Variants in TH observed in about 807,000 individuals in gnomAD.
TH encodes the protein tyrosine 3-monooxygenase.
In TH, 49 loss-of-function variants were observed where a neutral mutation model predicts 57.4. That is an observed-to-expected ratio of 0.85 (90% CI 0.68 to 1.08). The LOEUF is 1.08. Ranked by LOEUF, TH falls within the 50% of genes least tolerant of loss-of-function variation. TH has a pLI of 0.00. For synonymous variants in TH, 330 were observed against 304.5 expected (o/e 1.08, Z -0.87); for missense variants, 720 against 696.7 (o/e 1.03, Z -0.38).
chr11:2,165,290 T>C lies in TH; in HGVS notation c.1276A>G (p.Thr426Ala). The C allele has an allele frequency of 6.2e-7, 1 of 1,612,806 alleles. No homozygotes were observed. The highest frequency in any genetic ancestry group is 8.5e-7 in the Non-Finnish European group (1 of 1,179,976). The change falls in exon 12 of 13, where the codon ACG (threonine) becomes GCG (alanine). Residue 426 changes from threonine (T) to alanine (A), a missense_variant. Coordinates refer to ENST00000352909, the MANE Select transcript of TH (RefSeq NM_000360.4). ...GACACGAAGTAGACTGACTGGTACG[T>C]CTGGTCTTGGTAGGGCTGCACGGCC... ...AAAVQPYQDQ[T>A]YQSVYFVSES...
rs906149815 is a variant in TH at position 2,165,513 on chromosome 11, G to A, written c.1201-148C>T. On this transcript the variant is annotated intron_variant, in intron 11 of 12. Transcript: ENST00000352909. ...CCTTCGGAGGCCTGGGATAATGTGGGGTGAGGACTGGGCAGAGACAAGCCT... is the reference window on the plus strand; with the variant it reads ...CCTTCGGAGGCCTGGGATAATGTGGAGTGAGGACTGGGCAGAGACAAGCCT... 3 of 1,378,362 alleles carry A rather than the reference G, an allele frequency of 2.2e-6. No homozygotes were observed. The Admixed American group carries it at 5.5e-5, about 25-fold the overall frequency. The allele number at this position is 1,378,362 out of a possible 1,614,324, so 85.4% of individuals were successfully genotyped here.
chr11:2,168,156 A>G lies in TH; in HGVS notation c.511T>C (p.Ser171Pro). ...AGGTGATGACACTTGTCCAGCTCTG[A>G]CACTTTTCTTGGGAACCAGGGGACT... ...PKVPWFPRKVSELDKCHHLVT... is the reference protein window; with the variant it reads ...PKVPWFPRKVPELDKCHHLVT... The change falls in exon 4 of 13, where the codon TCA becomes CCA. Residue 171 changes from serine (S) to proline (P), a missense_variant. Coordinates refer to ENST00000352909, the MANE Select transcript of TH (RefSeq NM_000360.4). 1 of 1,613,552 alleles carries G rather than the reference A, an allele frequency of 6.2e-7. No individual in the cohort carries two copies. The highest frequency in any genetic ancestry group is 1.7e-5 in the Admixed American group (1 of 60,018).
intron 5 of TH, 93 bp from the exon 6 acceptor site, chr11:2,167,578 G>T: frequency 7.1e-7 from 1 of 1,415,422 alleles, no homozygotes; most frequent in Non-Finnish European, 9.6e-7. Flanking sequence ...GTCCACACCC[G>T]CCTAGTGCAG....
intron 9 of TH, 175 bp downstream of exon 9, chr11:2,166,304 TG>T: frequency 1.0e-6 from 1 of 976,726 alleles, no homozygotes; most frequent in Non-Finnish European, 1.5e-6. Flanking sequence ...GCACAGGCCG[TG>T]GGAGGCTCCG....
intron 9 of TH, 113 bp downstream of exon 9, chr11:2,166,341 ACCCTCGGGGCGCCGAGCCTCCTTGGC>A (rs2133691850): frequency 1.7e-6 from 2 of 1,201,152 alleles, no homozygotes; most frequent in East Asian, 5.2e-5. Flanking sequence ...ATGCCGCGCG[ACCCTCGGGGCGCCGAGCCTCCTTGGC>A]GGGGCCCGGG....
At chr11:2,167,183 T>C in intron 6 of TH, 151 bp from the exon 7 acceptor site, 1 of 1,232,326 alleles carries the variant, frequency 8.1e-7, no homozygotes, top group Admixed American at 2.4e-5. Context: ...GAGGGGCTTT[T>C]GCTGGTGGCT....
In TH at chr11:2,170,743, A is replaced by G; in HGVS notation, c.91-872T>C. 1.9e-6 allele frequency: 3 copies of G among 1,571,974 alleles called. No individual in the cohort carries two copies. Among genetic ancestry groups the G allele is most frequent in the African/African-American group, 1.4e-5 (1 of 71,526 alleles). On this transcript the variant is annotated intron_variant, in intron 1 of 12. Transcript: ENST00000352909. This position sits in a 1 kb window ranked among gnomAD's most constrained non-coding sequence, Gnocchi z 6.0. ...GGGGCTGCAGTTCCAGGCCACGGAG[A>G]GCCTGTGAGGCTGGGCCCCGGGGCG... is the stretch of plus-strand genomic sequence containing the variant.
intron 1 of TH, 59 bp from the exon 2 acceptor site, chr11:2,169,930 C>T (rs1158387586): frequency 1.3e-5 from 19 of 1,517,854 alleles, no homozygotes; most frequent in Non-Finnish European, 1.7e-5. Flanking sequence ...GGACCTCCAC[C>T]CACAGCTGGT....
chr11:2,165,239 T>A lies in TH; in HGVS notation c.1327A>T (p.Lys443Ter), dbSNP rs1416459085. Reference sequence around the variant, plus strand: ...CCTAGCAGCCTAGCCCACCTGAGCTTGTCCTTGGCGTCACTGAAGCTCTCA... The same window carrying A: ...CCTAGCAGCCTAGCCCACCTGAGCTAGTCCTTGGCGTCACTGAAGCTCTCA... Reference protein sequence around the residue: ...VSESFSDAKDKLRSYASRIQR... With the variant: ...VSESFSDAKD The change falls in exon 12 of 13, where the codon AAG becomes TAG. Residue 443 changes from lysine to a stop codon, truncating the protein, a stop_gained. Coordinates refer to ENST00000352909, the MANE Select transcript of TH (RefSeq NM_000360.4). LOFTEE classifies it low-confidence loss of function (END_TRUNC). 1.2e-6 allele frequency: 2 copies of A among 1,612,850 alleles called. No individual in the cohort carries two copies. Among genetic ancestry groups the A allele is most frequent in the Non-Finnish European group, 1.7e-6 (2 of 1,179,970 alleles).
In TH at chr11:2,164,385, C is replaced by T. The variant is rs1277311743; in HGVS notation, c.1342G>A (p.Ala448Thr). ...SDAKDKLRSY[A>T]SRIQRPFSVK... is the part of the protein sequence containing the mutation. Reference sequence around the variant, plus strand: ...GAGAAGGGGCGCTGGATGCGTGAGGCATAGCTCCTGGGGAGGAGAGCGGCA... The same window carrying T: ...GAGAAGGGGCGCTGGATGCGTGAGGTATAGCTCCTGGGGAGGAGAGCGGCA... Residue 448 changes from alanine to threonine, a missense_variant, in exon 13 of 13, where the codon GCC (alanine) becomes ACC (threonine). By Grantham distance (58) the Ala-to-Thr change is moderately conservative (BLOSUM62 0). Coordinates refer to ENST00000352909, the MANE Select transcript of TH (RefSeq NM_000360.4). 2 of 1,549,408 alleles carry T rather than the reference C, an allele frequency of 1.3e-6. No individual in the cohort carries two copies. Among genetic ancestry groups the T allele is most frequent in the Admixed American group, 1.9e-5 (1 of 52,012 alleles).
Position 2,170,552 on chromosome 11 carries a change from G to T in TH, c.91-681C>A, listed in dbSNP as rs1177238491. On this transcript the variant is annotated intron_variant, in intron 1 of 12. Transcript: ENST00000352909. This position sits in a 1 kb window ranked among gnomAD's most constrained non-coding sequence, Gnocchi z 6.0. ...GAGGGGGACTTGGCAGACACCTGGG[G>T]CTCATCCCTTGGAGCTGAACTCCCA... 4.9e-6 allele frequency: 4 copies of T among 821,640 alleles called. No homozygotes were observed. The African/African-American group carries it at 6.8e-5, about 14-fold the overall frequency. 50.9% of individuals were successfully genotyped at this position (821,640 alleles called of 1,614,324 possible).
intron 11 of TH, 45 bp from the exon 12 acceptor site, chr11:2,165,410 C>A: frequency 6.2e-7 from 1 of 1,603,304 alleles, no homozygotes; most frequent in Non-Finnish European, 8.5e-7. Context: ...GCACCCAGGT[C>A]CCCGAGGGAA....
chr11:2,170,819 G>A lies in TH; in HGVS notation c.90+878C>T, dbSNP rs1416242675. 4.8e-6 allele frequency: 3 copies of A among 619,998 alleles called. No homozygotes were observed. The African/African-American group carries it at 5.6e-5, about 12-fold the overall frequency. 38.4% of individuals were successfully genotyped at this position (619,998 alleles called of 1,614,324 possible). A position where few individuals can be genotyped will look rare whatever the true frequency, so the allele number is the denominator to read the frequency against. On this transcript the variant is annotated intron_variant, in intron 1 of 12. Coordinates refer to ENST00000352909, the MANE Select transcript of TH (RefSeq NM_000360.4). The surrounding 1 kb of genome is among the most constrained non-coding windows in gnomAD (Gnocchi z 6.0). ...GAGCCTGGTGGGGGAGGGTAGGGGAGGGCGGGGGAGGACGGGGGAGGGCGC... is the reference window on the plus strand; with the variant it reads ...GAGCCTGGTGGGGGAGGGTAGGGGAAGGCGGGGGAGGACGGGGGAGGGCGC...
intron 12 of TH, 139 bp from the exon 13 acceptor site, chr11:2,164,531 G>A (rs1164423982): frequency 4.0e-6 from 4 of 992,080 alleles, no homozygotes; most frequent in Non-Finnish European, 2.8e-6. Flanking sequence ...ACTGGTCACA[G>A]GCGGGACACT....
rs1215694578 is a variant in TH at position 2,170,034 on chromosome 11, C to T, written c.91-163G>A. The stretch of plus-strand genomic sequence containing the variant: ...TGTGCCTGCTGGGGCAGATGCTAGC[C>T]GAGGTGCCTGCGGGCATTGCACGCC... On this transcript the variant is annotated intron_variant, in intron 1 of 12. Coordinates refer to ENST00000352909, the MANE Select transcript of TH (RefSeq NM_000360.4). This position sits in a 1 kb window ranked among gnomAD's most constrained non-coding sequence, Gnocchi z 6.0. Among the ~76,000 whole-genome samples the T allele has an allele frequency of 3.3e-5, 5 of 152,198 alleles. No homozygotes were observed. The highest frequency in any genetic ancestry group is 2.1e-4 in the South Asian group (1 of 4,828).
Position 2,168,647 on chromosome 11 carries a change from G to A in TH, c.331C>T (p.His111Tyr), listed in dbSNP as rs911394543. ...KVFETFEAKIHHLETRPAQRP... is the reference protein window; with the variant it reads ...KVFETFEAKIYHLETRPAQRP... ...TGGGCGGGCCGGGTCTCTAGATGGT[G>A]GATTTTGGCTTCAAACGTCTTAGGG... Residue 111 changes from histidine to tyrosine, a missense_variant, in exon 3 of 13, where the codon CAC becomes TAC. Coordinates refer to ENST00000352909, the MANE Select transcript of TH (RefSeq NM_000360.4). The A allele has an allele frequency of 9.5e-5, 144 of 1,513,770 alleles. No homozygotes were observed. The highest frequency in any genetic ancestry group is 1.2e-4 in the Non-Finnish European group (138 of 1,116,936). The allele number at this position is 1,513,770 out of a possible 1,614,324, so 93.8% of individuals were successfully genotyped here.
At chr11:2,168,909 G>T (rs905862807) in intron 2 of TH, among the ~76,000 whole-genome samples, 1 of 152,202 alleles carries the variant, frequency 6.6e-6, no homozygotes, top group Non-Finnish European at 1.5e-5. Flanking sequence ...GTCACCGCTT[G>T]AGGCTTAACC....
chr11:2,165,088 G>T, intron 12 of TH, 144 bp downstream of exon 12: 1 of 1,231,844 alleles, frequency 8.1e-7, no homozygotes, highest in Non-Finnish European at 1.2e-6. Context: ...TGTCCCTGCT[G>T]TGTGGGGGCT....
Position 2,168,801 on chromosome 11 carries a change from C to G in TH, c.313-136G>C, listed in dbSNP as rs1846174234. 2.8e-6 allele frequency: 3 copies of G among 1,084,284 alleles called. No homozygotes were observed. The Admixed American group carries it at 6.0e-5, about 22-fold the overall frequency. 67.2% of individuals were successfully genotyped at this position (1,084,284 alleles called of 1,614,324 possible). A position where few individuals can be genotyped will look rare whatever the true frequency, so the allele number is the denominator to read the frequency against. Reference sequence around the variant, plus strand: ...CCTTGACTTTTGTGCTAGCAGCACACAGATCCCGTTCTTCCAGGCTCAGGT... The same window carrying G: ...CCTTGACTTTTGTGCTAGCAGCACAGAGATCCCGTTCTTCCAGGCTCAGGT... On this transcript the variant is annotated intron_variant, in intron 2 of 12. Coordinates refer to ENST00000352909, the MANE Select transcript of TH (RefSeq NM_000360.4).
Sources: allele counts gnomAD v4.1 joint callset (sites outside exome capture counted in the v4.1 genomes callset), GRCh38; gene constraint gnomAD v4.1.1; non-coding constraint Gnocchi (gnomAD v3.1); transcripts MANE v1.5; gene names NCBI Gene and HGNC (gene_info 2026-07-23, HGNC 2026-07-21).